TRPC5: variants seen among roughly 807,000 people sequenced by gnomAD.
TRPC5 encodes short transient receptor potential channel 5.
In TRPC5, 9 loss-of-function variants were observed where a neutral mutation model predicts 56.5. That is an observed-to-expected ratio of 0.16 (90% CI 0.10 to 0.28). The LOEUF (loss-of-function observed/expected upper bound fraction) is 0.28. TRPC5 is among the 10% of genes least tolerant of loss of function. The pLI, the probability that TRPC5 is intolerant of heterozygous loss-of-function variation, is 1.00. For missense variants in TRPC5, 469 were observed against 748.9 expected, an observed-to-expected ratio of 0.63 and a Z score of 4.36; for synonymous variants, 282 against 278.5, an observed-to-expected ratio of 1.01 and a Z score of -0.13.
intron 3 of TRPC5, among the ~76,000 whole-genome samples, chrX:111,897,893 A>C (rs1468280749): frequency 9.0e-6 from 1 of 111,135 alleles, no homozygotes; most frequent in Admixed American, 9.6e-5. Flanking sequence ...GTAAATACCT[A>C]TGAGTAGAAT....
At chrX:111,958,241 G>A (rs948302827) in intron 1 of TRPC5, among the ~76,000 whole-genome samples, 3 of 111,717 alleles carry the variant, frequency 2.7e-5, no homozygotes, top group African/African-American at 6.5e-5. Flanking sequence ...TCAAGACCAC[G>A]CTTTCAAGCC....
intron 1 of TRPC5, among the ~76,000 whole-genome samples, chrX:112,004,679 C>T (rs1440619516): frequency 9.0e-6 from 1 of 111,479 alleles, no homozygotes; most frequent in African/African-American, 3.3e-5. Context: ...GAGGCACACT[C>T]ACATTTGAAA....
At chrX:111,807,586 A>G (rs1921556445) in intron 7 of TRPC5, among the ~76,000 whole-genome samples, 1 of 112,148 alleles carries the variant, frequency 8.9e-6, no homozygotes. Context: ...TATTTAGTTC[A>G]TTTGGTGAAG....
intron 3 of TRPC5, 85 bp from the exon 4 acceptor site, chrX:111,854,191 G>A: frequency 2.0e-6 from 2 of 1,009,183 alleles, no homozygotes; most frequent in Non-Finnish European, 2.7e-6. Context: ...TTTACAGTCA[G>A]CTCTGGCAAG....
chrX:112,080,900 T>C (rs185662212), intron 1 of TRPC5, among the ~76,000 whole-genome samples: 1 of 112,254 alleles, frequency 8.9e-6, no homozygotes, highest in Admixed American at 9.4e-5. Flanking sequence ...CATGTCAATG[T>C]TGTAATCATT....
At chrX:111,911,819 T>C (rs1925828201) in intron 3 of TRPC5, among the ~76,000 whole-genome samples, 1 of 112,224 alleles carries the variant, frequency 8.9e-6, no homozygotes, top group South Asian at 3.7e-4. Flanking sequence ...ATTACCAGCA[T>C]CCAGGCAGCG....
rs899537296 is a variant in TRPC5, at chrX:111,965,041, A to C, written c.-21-12600T>G. ...AGACACAAACTGGCAAATTGGATAAAGAGTCAAGACCCATCAGCGTGCTGT... is the reference window on the plus strand; with the variant it reads ...AGACACAAACTGGCAAATTGGATAACGAGTCAAGACCCATCAGCGTGCTGT... On this transcript the variant is annotated intron_variant, in intron 1 of 10. Transcript: ENST00000262839. 2.2e-4 allele frequency among the ~76,000 whole-genome samples: 25 copies of C among 112,097 alleles called. 1 individual carries two copies. The East Asian group carries it at 5.0e-3, about 23-fold the overall frequency.
Position 111,776,604 on chromosome X carries a change from C to T in TRPC5, c.2631G>A (p.Met877Ile). 1 of 1,212,098 alleles carries T rather than the reference C, an allele frequency of 8.3e-7. No individual in the cohort carries two copies. Among genetic ancestry groups the T allele is most frequent in the Non-Finnish European group, 1.1e-6 (1 of 895,597 alleles). Residue 877 changes from methionine to isoleucine, a missense_variant, in exon 11 of 11, where the codon ATG becomes ATA. Around this residue, in one of 3 missense-constraint regions of TRPC5, gnomAD observed 194 missense variants for 221.8 expected, o/e 0.87. Coordinates refer to ENST00000262839, the MANE Select transcript of TRPC5 (RefSeq NM_012471.3). ...ISDGIVQQHCMWQDIRYSQME... is the reference protein window; with the variant it reads ...ISDGIVQQHCIWQDIRYSQME... ...TCTGAGAATATCTGATGTCCTGCCA[C>T]ATACAGTGCTGCTGAACAATTCCAT...
intron 2 of TRPC5, among the ~76,000 whole-genome samples, chrX:111,944,301 T>TGC (rs1166564102): frequency 1.2e-5 from 1 of 84,556 alleles, no homozygotes; most frequent in Non-Finnish European, 2.2e-5. Flanking sequence ...TGTGTGTGTG[T>TGC]GTGAGAGAGA....
At chrX:112,038,743 G>A (rs914692921) in intron 1 of TRPC5, among the ~76,000 whole-genome samples, 4 of 108,764 alleles carry the variant, frequency 3.7e-5, no homozygotes, top group East Asian at 2.9e-4. Flanking sequence ...GTGCAATGGC[G>A]CGATCTCGGC....
intron 1 of TRPC5, among the ~76,000 whole-genome samples, chrX:111,952,986 C>T (rs993891836): frequency 1.5e-4 from 17 of 111,795 alleles, no homozygotes; most frequent in African/African-American, 5.2e-4. Context: ...TCTTCTTTGG[C>T]CAATTTCCTT....
intron 1 of TRPC5, among the ~76,000 whole-genome samples, chrX:112,053,772 G>A (rs1245420204): frequency 8.9e-6 from 1 of 112,198 alleles, no homozygotes; most frequent in East Asian, 2.8e-4. Context: ...AGCACTGCAA[G>A]TGCATGCTTT....
intron 7 of TRPC5, among the ~76,000 whole-genome samples, chrX:111,829,699 G>A (rs1360604109): frequency 8.9e-6 from 1 of 112,832 alleles, no homozygotes; most frequent in Non-Finnish European, 1.9e-5. Context: ...ATGTGGTGTT[G>A]GTCCTGTGGG....
chrX:111,819,899 C>A (rs1921979616), intron 7 of TRPC5, among the ~76,000 whole-genome samples: 1 of 111,811 alleles, frequency 8.9e-6, no homozygotes, highest in South Asian at 3.7e-4. Flanking sequence ...TGGCATGAAA[C>A]CCCAGGCAAG....
chrX:111,896,836 C>A (rs183996399), intron 3 of TRPC5, among the ~76,000 whole-genome samples: 36 of 111,846 alleles, frequency 3.2e-4, no homozygotes, highest in Admixed American at 3.0e-3. Context: ...TGATCATGGG[C>A]AAATTACTGA....
intron 1 of TRPC5, among the ~76,000 whole-genome samples, chrX:112,047,527 G>C (rs1315966809): frequency 8.9e-6 from 1 of 111,900 alleles, no homozygotes; most frequent in South Asian, 3.8e-4. Context: ...ATATGACCTC[G>C]TCACAGCAGT....
intron 1 of TRPC5, among the ~76,000 whole-genome samples, chrX:112,039,445 T>C (rs1929838061): frequency 1.8e-5 from 2 of 111,776 alleles, no homozygotes; most frequent in African/African-American, 6.5e-5. Context: ...GCCACTCCTT[T>C]TGTTTTTTGT....
At chrX:111,833,729 ATG>A (rs999017708) in intron 7 of TRPC5, among the ~76,000 whole-genome samples, 3 of 109,233 alleles carry the variant, frequency 2.7e-5, no homozygotes, top group Non-Finnish European at 5.7e-5. Context: ...ATGTATGGGT[ATG>A]TGTGTGTGTG....
chrX:111,881,513 T>C (rs1396095518), intron 3 of TRPC5, among the ~76,000 whole-genome samples: 1 of 111,698 alleles, frequency 9.0e-6, no homozygotes, highest in Non-Finnish European at 1.9e-5. Flanking sequence ...TGTTACCAAA[T>C]GTCGGTGTCC....
Sources: gnomAD v4.1 joint callset for allele counts (sites outside exome capture counted in the v4.1 genomes callset) on GRCh38, gnomAD v4.1.1 for gene constraint, gnomAD v4.1.1 regional missense constraint, MANE v1.5 for transcripts, NCBI Gene and HGNC (gene_info 2026-07-23, HGNC 2026-07-21) for gene names.